TMPRSS5: variants seen among roughly 807,000 people sequenced by gnomAD.
The protein encoded by TMPRSS5 is transmembrane serine protease 5, also known as transmembrane protease serine 5.
TMPRSS5 carries 45 observed loss-of-function variants against 59.7 expected under a neutral mutation model. The ratio of observed to expected loss-of-function variants is 0.75; its 90% CI spans 0.59 to 0.97. TMPRSS5 has a LOEUF of 0.97. Ranked by LOEUF, TMPRSS5 falls within the 50% of genes least tolerant of loss-of-function variation. The pLI is 0.00. For synonymous variants in TMPRSS5, 225 were observed against 232.0 expected (o/e 0.97, Z 0.27); for missense variants, 585 against 596.7 (o/e 0.98, Z 0.20).
At position 113,697,527 on chromosome 11, in the gene TMPRSS5, ATCTGGATCACCCAGTGCCAAGT is replaced by A. The variant is rs1454459219; in HGVS notation, c.329-131_329-110del. ...TACTTGAAGAGGCCTTAATGACAGC[ATCTGGATCACCCAGTGCCAAGT>A]TCCCTGCTCCCCGGAGAGTGAGACC... On this transcript the variant is annotated intron_variant, in intron 4 of 12. Coordinates refer to ENST00000299882, the MANE Select transcript of TMPRSS5 (RefSeq NM_030770.4). 3 of 1,341,058 alleles carry A rather than the reference ATCTGGATCACCCAGTGCCAAGT, an allele frequency of 2.2e-6. No individual in the cohort carries two copies. The African/African-American group carries it at 4.3e-5, about 19-fold the overall frequency. 83.1% of individuals were successfully genotyped at this position (1,341,058 alleles called of 1,614,324 possible).
intron 10 of TMPRSS5, 40 bp downstream of exon 10, chr11:113,690,801 A>G (rs1591372569): frequency 1.1e-5 from 17 of 1,533,900 alleles, no homozygotes; most frequent in Non-Finnish European, 1.4e-5. Flanking sequence ...AATGCCTCCC[A>G]CACCCGCCCC....
intron 9 of TMPRSS5, 31 bp downstream of exon 9, chr11:113,693,040 C>A: frequency 6.5e-7 from 1 of 1,549,186 alleles, no homozygotes; most frequent in South Asian, 1.2e-5. Flanking sequence ...CCATAGTCTC[C>A]AGCCTGCCCA....
intron 1 of TMPRSS5, among the ~76,000 whole-genome samples, chr11:113,703,340 T>C (rs1347267719): frequency 3.3e-5 from 5 of 152,236 alleles, no homozygotes; most frequent in Non-Finnish European, 7.3e-5. Flanking sequence ...TTTCTCCCAT[T>C]TGGAATAGGT....
At chr11:113,694,443 GAGGCT>G in intron 8 of TMPRSS5, 30 bp downstream of exon 8, 1 of 1,548,972 alleles carries the variant, frequency 6.5e-7, no homozygotes, top group South Asian at 1.2e-5. Flanking sequence ...AAGGGCAACT[GAGGCT>G]CTCTGTCCTC....
At chr11:113,690,149 A>AG (rs1370733051) in intron 11 of TMPRSS5, 82 bp downstream of exon 11, 1 of 1,475,294 alleles carries the variant, frequency 6.8e-7, no homozygotes, top group East Asian at 2.5e-5. Context: ...AGACCAGGGC[A>AG]GGGGGCCAAG....
chr11:113,704,039 C>T (rs536705115), intron 1 of TMPRSS5, among the ~76,000 whole-genome samples: 2 of 152,168 alleles, frequency 1.3e-5, no homozygotes, highest in Non-Finnish European at 2.9e-5. Context: ...TGAGACAGGC[C>T]CACAGGGATG....
chr11:113,693,277 G>A (rs748958078), intron 8 of TMPRSS5, 28 bp from the exon 9 acceptor site: 13 of 1,504,022 alleles, frequency 8.6e-6, no homozygotes, highest in East Asian at 2.4e-5. Context: ...GCTGAGCGGG[G>A]AAGGAAGGGG....
At position 113,689,820 on chromosome 11, in the gene TMPRSS5, G is replaced by A. The variant is rs1278680720; in HGVS notation, c.1304C>T (p.Pro435Leu). The change falls in exon 12 of 13, where the codon CCA becomes CTA. Residue 435 changes from proline to leucine, a missense_variant. By Grantham distance (98) the Pro-to-Leu change is moderately conservative. Transcript: ENST00000299882. ...WGRGCAEPNHPGVYAKVAEFL... is the reference protein window; with the variant it reads ...WGRGCAEPNHLGVYAKVAEFL... ...CTCAGCTACCTTGGCGTAGACACCT[G>A]GGTGATTGGGCTCTGCGCAGCCACG... 6.2e-7 allele frequency: 1 copy of A among 1,604,632 alleles called. No homozygotes were observed. Among genetic ancestry groups the A allele is most frequent in the Admixed American group, 1.7e-5 (1 of 58,870 alleles).
At chr11:113,688,743 A>G (rs948874566) in intron 12 of TMPRSS5, among the ~76,000 whole-genome samples, 1 of 151,974 alleles carries the variant, frequency 6.6e-6, no homozygotes, top group African/African-American at 2.4e-5. Flanking sequence ...TTGTATTTTT[A>G]GTATAGACAG....
In TMPRSS5 at chr11:113,699,696, G is replaced by C. The variant is rs901773264; in HGVS notation, c.107-3C>G. Reference sequence around the variant, plus strand: ...ACGCCAGCACACTGCCTGAGAAACTGTGGGAAAGGGCAGAGGGGTATCTGG... The same window carrying C: ...ACGCCAGCACACTGCCTGAGAAACTCTGGGAAAGGGCAGAGGGGTATCTGG... On this transcript the variant is annotated splice_region_variant and splice_polypyrimidine_tract_variant and intron_variant, in intron 2 of 12. Transcript: ENST00000299882. The C allele has an allele frequency of 7.7e-6, 12 of 1,564,366 alleles. No individual in the cohort carries two copies. Among genetic ancestry groups the C allele is most frequent in the Non-Finnish European group, 1.0e-5 (12 of 1,154,788 alleles).
chr11:113,706,104 G>A, intron 1 of TMPRSS5, 118 bp downstream of exon 1: 1 of 1,257,578 alleles, frequency 8.0e-7, no homozygotes, highest in Non-Finnish European at 1.1e-6. Flanking sequence ...TCCAGCCCCT[G>A]TACCAGAGCT....
At chr11:113,706,125 G>A (rs1953284733) in intron 1 of TMPRSS5, 97 bp downstream of exon 1, 7 of 1,443,956 alleles carry the variant, frequency 4.8e-6, no homozygotes, top group Non-Finnish European at 6.7e-6. Flanking sequence ...GCCTCAGGAG[G>A]CTCTTTCCAC....
At chr11:113,698,471 C>T (rs369721913) in intron 4 of TMPRSS5, among the ~76,000 whole-genome samples, 1 of 152,160 alleles carries the variant, frequency 6.6e-6, no homozygotes, top group East Asian at 1.9e-4. Context: ...AGCATTGTAC[C>T]TTCTGATCCC....
chr11:113,694,771 G>T, intron 7 of TMPRSS5, 131 bp from the exon 8 acceptor site: 1 of 928,586 alleles, frequency 1.1e-6, no homozygotes, highest in South Asian at 1.9e-5. Context: ...TCTTATTCCT[G>T]GTCCTAAGTA....
chr11:113,691,248 C>T (rs913941068), intron 9 of TMPRSS5, among the ~76,000 whole-genome samples: 4 of 152,150 alleles, frequency 2.6e-5, no homozygotes, highest in African/African-American at 9.7e-5. Context: ...TCTTTCAGGC[C>T]ATGGGCACCC....
chr11:113,690,119 C>T, intron 11 of TMPRSS5, 112 bp downstream of exon 11: 4 of 1,422,766 alleles, frequency 2.8e-6, no homozygotes, highest in Non-Finnish European at 2.8e-6. Flanking sequence ...GAGAGGCTGT[C>T]TCACACCACT....
At position 113,699,031 on chromosome 11, in the gene TMPRSS5, T is replaced by A; in HGVS notation, c.206-4A>T. ...GCAGCAGGACACAGATACAGCACTT[T>A]AGAGAAGAACAAAGAGAAAGGGTCT... On this transcript the variant is annotated splice_polypyrimidine_tract_variant and splice_region_variant and intron_variant, in intron 3 of 12. Transcript: ENST00000299882. 2 of 1,611,360 alleles carry A rather than the reference T, an allele frequency of 1.2e-6. No homozygotes were observed. The highest frequency in any genetic ancestry group is 1.7e-6 in the Non-Finnish European group (2 of 1,178,884).
At chr11:113,695,502 T>C (rs1952904360) in intron 6 of TMPRSS5, 59 bp from the exon 7 acceptor site, 1 of 1,566,472 alleles carries the variant, frequency 6.4e-7, no homozygotes, top group Admixed American at 1.7e-5. Context: ...GCCACACACA[T>C]CCAAGGACGT....
chr11:113,691,100 G>C, intron 9 of TMPRSS5, 161 bp from the exon 10 acceptor site: 1 of 629,842 alleles, frequency 1.6e-6, no homozygotes, highest in Non-Finnish European at 2.8e-6. Context: ...GGCTATGCAA[G>C]TGGGGCACTG....
Sources: allele counts gnomAD v4.1 joint callset (sites outside exome capture counted in the v4.1 genomes callset), GRCh38; gene constraint gnomAD v4.1.1; transcripts MANE v1.5; gene names NCBI Gene and HGNC (gene_info 2026-07-23, HGNC 2026-07-21).